LTN1: variants seen among roughly 807,000 people sequenced by gnomAD.
The protein encoded by LTN1 is E3 ubiquitin-protein ligase listerin.
In LTN1, 88 loss-of-function variants were observed where a neutral mutation model predicts 201.2. That is an observed-to-expected ratio of 0.44 (90% CI 0.37 to 0.52). The LOEUF is 0.52. Ranked by LOEUF, LTN1 falls within the 20% of genes least tolerant of loss-of-function variation. The pLI, the probability that LTN1 is intolerant of heterozygous loss-of-function variation, is 0.00. For synonymous variants in LTN1, 645 were observed against 713.5 expected (o/e 0.90, Z 1.53); for missense variants, 1,752 against 2,038.7 (o/e 0.86, Z 2.71).
At chr21:28,960,408 A>G in intron 12 of LTN1, 109 bp downstream of exon 12, 1 of 800,894 alleles carries the variant, frequency 1.2e-6, no homozygotes. Context: ...TTGAATGAGT[A>G]AGTCCTGTTA....
chr21:28,985,241 T>C (rs536300505), intron 3 of LTN1, among the ~76,000 whole-genome samples: 11 of 152,170 alleles, frequency 7.2e-5, no homozygotes, highest in African/African-American at 2.4e-4. Flanking sequence ...AGGCGGATTA[T>C]TGGCGGTCAG....
intron 5 of LTN1, 36 bp downstream of exon 5, chr21:28,982,280 C>T (rs372206443): frequency 9.6e-6 from 15 of 1,561,014 alleles, no homozygotes; most frequent in Non-Finnish European, 1.1e-5. Context: ...TGAAACAAAT[C>T]CTTAACATGA....
chr21:28,949,879 A>G (rs2084369247), intron 18 of LTN1, among the ~76,000 whole-genome samples: 1 of 152,128 alleles, frequency 6.6e-6, no homozygotes, highest in African/African-American at 2.4e-5. Context: ...TTATTTACTC[A>G]CCACAGTGAT....
intron 6 of LTN1, among the ~76,000 whole-genome samples, chr21:28,973,222 C>T (rs2084588983): frequency 6.6e-6 from 1 of 151,732 alleles, no homozygotes; most frequent in Non-Finnish European, 1.5e-5. Context: ...GTGGCACATG[C>T]TTGTAATCCC....
intron 18 of LTN1, among the ~76,000 whole-genome samples, chr21:28,949,747 T>G (rs1303372624): frequency 6.6e-6 from 1 of 152,218 alleles, no homozygotes; most frequent in African/African-American, 2.4e-5. Flanking sequence ...TATCCACTGA[T>G]GGGCACTTAG....
chr21:28,938,057 G>T (rs150194519), intron 25 of LTN1, among the ~76,000 whole-genome samples: 1 of 151,694 alleles, frequency 6.6e-6, no homozygotes, highest in Non-Finnish European at 1.5e-5. Flanking sequence ...AGAAAAGAAA[G>T]GTATAGAAAT....
chr21:28,966,228 A>G, intron 10 of LTN1, 142 bp downstream of exon 10: 1 of 712,936 alleles, frequency 1.4e-6, no homozygotes, highest in Non-Finnish European at 2.3e-6. Context: ...GCAGCCCTAG[A>G]TACTTCCCAA....
chr21:28,968,512 T>C (rs2084544908), intron 9 of LTN1, among the ~76,000 whole-genome samples: 1 of 152,214 alleles, frequency 6.6e-6, no homozygotes, highest in Non-Finnish European at 1.5e-5. Context: ...AAAGCATAAT[T>C]TGAGTATTTT....
Position 28,969,548 on chromosome 21 carries a change from G to T in LTN1, c.1229C>A (p.Ser410Tyr), listed in dbSNP as rs1356967621. The stretch of plus-strand genomic sequence containing the variant: ...AAAACGTAAGCATTCAAAAAAAGCA[G>T]ATATTACTGCCGAGGACTCTAAAGA... The part of the protein sequence containing the change: ...TSSLESSAVI[S>Y]AFFECLRFIM... Residue 410 changes from serine to tyrosine, a missense_variant, in exon 9 of 30, where the codon TCT (serine) becomes TAT (tyrosine). Ser to Tyr is a moderately radical substitution (Grantham distance 144, BLOSUM62 -2). Transcript: ENST00000361371. 1.9e-6 allele frequency: 3 copies of T among 1,612,266 alleles called. No individual in the cohort carries two copies. The highest frequency in any genetic ancestry group is 3.3e-5 in the Admixed American group (2 of 59,832).
chr21:28,967,309 C>T, intron 9 of LTN1, 130 bp from the exon 10 acceptor site: 1 of 666,832 alleles, frequency 1.5e-6, no homozygotes, highest in Non-Finnish European at 2.5e-6. Context: ...TGATTGATGG[C>T]TGGCAGCACC....
chr21:28,989,261 C>CA (rs1351591794), intron 1 of LTN1, among the ~76,000 whole-genome samples: 1 of 151,864 alleles, frequency 6.6e-6, no homozygotes, highest in African/African-American at 2.4e-5. Context: ...GCTGAAATAA[C>CA]AGAATTAGGA....
chr21:28,939,061 T>C (rs1180930636), intron 25 of LTN1, among the ~76,000 whole-genome samples: 2 of 152,166 alleles, frequency 1.3e-5, no homozygotes, highest in Non-Finnish European at 2.9e-5. Flanking sequence ...AATCGCAGAT[T>C]GAAAACATTT....
chr21:28,941,197 A>G, intron 25 of LTN1, 23 bp downstream of exon 25: 1 of 1,580,352 alleles, frequency 6.3e-7, no homozygotes, highest in Non-Finnish European at 8.7e-7. Context: ...AGAACTATCG[A>G]AAGTTGTCAC....
chr21:28,982,948 C>A (rs1171652489), intron 4 of LTN1, among the ~76,000 whole-genome samples: 2 of 152,220 alleles, frequency 1.3e-5, no homozygotes, highest in African/African-American at 4.8e-5. Context: ...CCATGAAGTA[C>A]AAGTTAATTC....
chr21:28,963,602 C>T (rs2084497571), intron 11 of LTN1, among the ~76,000 whole-genome samples: 1 of 152,228 alleles, frequency 6.6e-6, no homozygotes. Flanking sequence ...ATGTTGTTTT[C>T]ATGCCTGCTA....
At position 28,992,859 on chromosome 21, in the gene LTN1, G is replaced by T; in HGVS notation, c.-54C>A. On this transcript the variant is annotated 5_prime_UTR_variant, in exon 1 of 30. Coordinates refer to ENST00000361371, the MANE Select transcript of LTN1 (RefSeq NM_015565.3). Reference sequence around the variant, plus strand: ...CTCAGACCCCGGTTGACACGTCCGGGACACAACTTCCGGCTTCTGGCGGCG... The same window carrying T: ...CTCAGACCCCGGTTGACACGTCCGGTACACAACTTCCGGCTTCTGGCGGCG... 6.2e-7 allele frequency: 1 copy of T among 1,613,968 alleles called. No homozygotes were observed. Among genetic ancestry groups the T allele is most frequent in the Non-Finnish European group, 8.5e-7 (1 of 1,179,958 alleles).
intron 6 of LTN1, among the ~76,000 whole-genome samples, chr21:28,977,730 C>T (rs2084627408): frequency 6.6e-6 from 1 of 151,304 alleles, no homozygotes; most frequent in African/African-American, 2.4e-5. Flanking sequence ...CTCAAGAAAA[C>T]AGCCTGGCCA....
chr21:28,982,880 T>A (rs549364522), intron 4 of LTN1, among the ~76,000 whole-genome samples: 2 of 152,276 alleles, frequency 1.3e-5, no homozygotes, highest in Non-Finnish European at 2.9e-5. Flanking sequence ...AGCTTTTGCA[T>A]GTGCCAGGTA....
chr21:28,984,601 C>T (rs2084682642), intron 4 of LTN1, 91 bp downstream of exon 4: 1 of 891,248 alleles, frequency 1.1e-6, no homozygotes. Context: ...ACTCATTCCC[C>T]TACAATCCCA....
Sources: allele counts gnomAD v4.1 joint callset (sites outside exome capture counted in the v4.1 genomes callset), GRCh38; gene constraint gnomAD v4.1.1; transcripts MANE v1.5; gene names NCBI Gene and HGNC (gene_info 2026-07-23, HGNC 2026-07-21).